ESR1: variants seen among roughly 807,000 people sequenced by gnomAD.
The protein encoded by ESR1 is estrogen receptor 1, also known as estrogen receptor.
Under a neutral mutation model 52.7 loss-of-function variants are expected in ESR1, and 12 were observed. That is an observed-to-expected ratio of 0.23 (90% confidence interval 0.15 to 0.37). The LOEUF is 0.37. ESR1 is among the 10% of genes least tolerant of loss of function. The pLI, the probability that ESR1 is intolerant of heterozygous loss-of-function variation, is 1.00. For synonymous variants in ESR1, 305 were observed against 316.8 expected, an observed-to-expected ratio of 0.96 and a Z score of 0.39; for missense variants, 584 against 779.7, an observed-to-expected ratio of 0.75 and a Z score of 2.99.
At chr6:151,866,470 C>T (rs1402242656) in intron 2 of ESR1, among the ~76,000 whole-genome samples, 2 of 152,126 alleles carry the variant, frequency 1.3e-5, no homozygotes, top group African/African-American at 2.4e-5. Context: ...AATGCTATCC[C>T]TTCCCTAGCC....
At chr6:151,933,974 A>G (rs962279748) in intron 3 of ESR1, among the ~76,000 whole-genome samples, 10 of 152,330 alleles carry the variant, frequency 6.6e-5, no homozygotes, top group South Asian at 2.1e-4. Flanking sequence ...CCAAAGCTAT[A>G]AACCCTATCA....
chr6:151,764,549 A>T (rs1784903519), intron 2 of ESR1, among the ~76,000 whole-genome samples: 1 of 152,124 alleles, frequency 6.6e-6, no homozygotes, highest in African/African-American at 2.4e-5. Context: ...TCTCGGGGAG[A>T]TAATGCTGGA....
At chr6:151,669,147 G>GGGGAGA (rs1554231683) in intron 1 of ESR1, among the ~76,000 whole-genome samples, 723 of 69,342 alleles carry the variant, frequency 0.01, 43 homozygotes, top group African/African-American at 0.057. Flanking sequence ...TTGGGAGCTG[G>GGGGAGA]GAGAGAGAGA....
At chr6:152,014,782 T>C (rs933902587) in intron 5 of ESR1, among the ~76,000 whole-genome samples, 1 of 152,142 alleles carries the variant, frequency 6.6e-6, no homozygotes, top group Non-Finnish European at 1.5e-5. Flanking sequence ...ACTCTTTCTT[T>C]CAGTCCATCT....
At chr6:151,786,982 G>A (rs1315821977) in intron 2 of ESR1, among the ~76,000 whole-genome samples, 1 of 152,076 alleles carries the variant, frequency 6.6e-6, no homozygotes, top group East Asian at 1.9e-4. Flanking sequence ...GCTAATTTTT[G>A]TATTTTGATA....
intron 4 of ESR1, among the ~76,000 whole-genome samples, chr6:151,972,189 AC>A (rs887186048): frequency 2.0e-5 from 3 of 152,164 alleles, no homozygotes; most frequent in Admixed American, 2.0e-4. Context: ...AAAGTCCAGG[AC>A]CACACAGATT....
intron 1 of ESR1, among the ~76,000 whole-genome samples, chr6:151,831,182 AC>A (rs1400382568): frequency 3.4e-5 from 5 of 148,122 alleles, no homozygotes; most frequent in Non-Finnish European, 7.4e-5. Flanking sequence ...TCTCTCTGTC[AC>A]CCATGCTGGA....
At chr6:151,877,192 T>C (rs1442319180) in intron 2 of ESR1, among the ~76,000 whole-genome samples, 1 of 152,198 alleles carries the variant, frequency 6.6e-6, no homozygotes, top group Non-Finnish European at 1.5e-5. Context: ...ACATGTGCCA[T>C]GCTGGTGAGC....
chr6:151,905,387 C>T (rs896664420), intron 3 of ESR1, among the ~76,000 whole-genome samples: 1 of 152,126 alleles, frequency 6.6e-6, no homozygotes, highest in African/African-American at 2.4e-5. Flanking sequence ...ATACAATATC[C>T]GGACCATGTG....
At chr6:151,973,249 C>A (rs192706123) in intron 4 of ESR1, among the ~76,000 whole-genome samples, 48 of 152,252 alleles carry the variant, frequency 3.2e-4, no homozygotes, top group Non-Finnish European at 5.9e-4. Flanking sequence ...TTTCCTTTTG[C>A]TGAAGAGGAA....
intron 6 of ESR1, among the ~76,000 whole-genome samples, chr6:152,090,126 G>A (rs9341045): frequency 4.6e-5 from 7 of 152,212 alleles, no homozygotes; most frequent in South Asian, 2.1e-4. Context: ...TTCATCGGAC[G>A]GTCAGCTTCA....
chr6:151,968,214 C>A (rs2038499098), intron 4 of ESR1, among the ~76,000 whole-genome samples: 1 of 152,072 alleles, frequency 6.6e-6, no homozygotes, highest in African/African-American at 2.4e-5. Context: ...AACTGACTAG[C>A]CATATGCAGA....
chr6:151,695,664 G>T (rs1284267931), intron 1 of ESR1, among the ~76,000 whole-genome samples: 3 of 152,012 alleles, frequency 2.0e-5, no homozygotes, highest in Non-Finnish European at 4.4e-5. Context: ...AATTCCTTTT[G>T]GAACGTTACT....
At chr6:152,058,398 C>T (rs992972962) in intron 5 of ESR1, among the ~76,000 whole-genome samples, 1 of 152,104 alleles carries the variant, frequency 6.6e-6, no homozygotes, top group African/African-American at 2.4e-5. Flanking sequence ...AAGCAAAATG[C>T]GCATGGCAGT....
intron 5 of ESR1, among the ~76,000 whole-genome samples, chr6:152,025,088 G>T (rs1251854101): frequency 2.0e-5 from 3 of 151,492 alleles, no homozygotes; most frequent in African/African-American, 4.8e-5. Flanking sequence ...AAAGTTTATA[G>T]GAATTTCTGA....
intron 2 of ESR1, among the ~76,000 whole-genome samples, chr6:151,746,076 G>T (rs897148113): frequency 2.0e-5 from 3 of 152,152 alleles, no homozygotes; most frequent in African/African-American, 7.2e-5. Flanking sequence ...ACTCCATTTT[G>T]TCTCTATATC....
intron 5 of ESR1, among the ~76,000 whole-genome samples, chr6:152,014,186 C>G (rs1360262916): frequency 6.6e-6 from 1 of 152,060 alleles, no homozygotes; most frequent in Non-Finnish European, 1.5e-5. Context: ...TCCATTAAAC[C>G]TTTTTCTTTG....
chr6:151,842,646 A>T lies in ESR1; in HGVS notation c.502A>T (p.Thr168Ser), dbSNP rs17847076. 1.2e-6 allele frequency: 2 copies of T among 1,613,872 alleles called. No individual in the cohort carries two copies. Among genetic ancestry groups the T allele is most frequent in the East Asian group, 4.5e-5 (2 of 44,840 alleles). Residue 168 changes from threonine to serine, a missense_variant, in exon 2 of 8, where the codon ACC becomes TCC. Around this residue, in one of 6 missense-constraint regions of ESR1, gnomAD observed 251 missense variants for 246.1 expected, o/e 1.02. Coordinates refer to ENST00000206249, the MANE Select transcript of ESR1 (RefSeq NM_000125.4). ...RQGGRERLAS[T>S]NDKGSMAMES... ...GGGTGGCAGAGAAAGATTGGCCAGT[A>T]CCAATGACAAGGGAAGTATGGCTAT...
rs780857187 is a variant in ESR1 at position 151,808,251 on chromosome 6, G to A, written c.339G>A (p.Pro113=). ...CGAGCCCGCTGATGCTACTGCACCC[G>A]CCGCCGCAGCTGTCGCCTTTCCTGC... ...VSPSPLMLLH[P]PPQLSPFLQP... The change falls in exon 1 of 8, where the codon CCG becomes CCA. Residue 113 remains proline (P), a synonymous_variant. Transcript: ENST00000206249. The A allele has an allele frequency of 1.3e-6, 2 of 1,578,142 alleles. No individual in the cohort carries two copies. Among genetic ancestry groups the A allele is most frequent in the Non-Finnish European group, 1.7e-6 (2 of 1,162,620 alleles).
Sources: gnomAD v4.1 joint callset for allele counts (sites outside exome capture counted in the v4.1 genomes callset) on GRCh38, gnomAD v4.1.1 for gene constraint, gnomAD v4.1.1 regional missense constraint, MANE v1.5 for transcripts, NCBI Gene and HGNC (gene_info 2026-07-23, HGNC 2026-07-21) for gene names.